CAMK4: variants seen among roughly 807,000 people sequenced by gnomAD.
CAMK4 encodes calcium/calmodulin-dependent protein kinase type IV.
In CAMK4, 22 loss-of-function variants were observed where a neutral mutation model predicts 44.9. The ratio of observed to expected loss-of-function variants is 0.49; its 90% CI spans 0.35 to 0.70. The LOEUF is 0.70. Ranked by LOEUF, CAMK4 falls within the 30% of genes least tolerant of loss-of-function variation. The pLI, the probability that CAMK4 is intolerant of heterozygous loss-of-function variation, is 0.01. For missense variants in CAMK4, 498 were observed against 586.8 expected (o/e 0.85, Z 1.56); for synonymous variants, 218 against 215.4 (o/e 1.01, Z -0.11).
Position 111,224,757 on chromosome 5 carries a change from C to T in CAMK4, c.161+113C>T, listed in dbSNP as rs1436463582. The T allele has an allele frequency of 4.9e-6, 5 of 1,028,100 alleles. No individual in the cohort carries two copies. The highest frequency in any genetic ancestry group is 3.2e-4 in the Middle Eastern group (1 of 3,090). 63.7% of individuals were successfully genotyped at this position (1,028,100 alleles called of 1,614,324 possible). On this transcript the variant is annotated intron_variant, in intron 1 of 10. Transcript: ENST00000282356. This position sits in a 1 kb window ranked among gnomAD's most constrained non-coding sequence, Gnocchi z 5.7. ...TGCCTTCGTGCCCTTCGATTTCTCC[C>T]TACCTAGTTAGTGTCTTGAGAGAGA...
intron 1 of CAMK4, among the ~76,000 whole-genome samples, chr5:111,249,077 C>G (rs1477665408): frequency 6.6e-6 from 1 of 152,054 alleles, no homozygotes; most frequent in Non-Finnish European, 1.5e-5. Context: ...CAATCTGAAG[C>G]GATTATTGTT....
At chr5:111,448,690 C>G (rs1344814876) in intron 6 of CAMK4, among the ~76,000 whole-genome samples, 1 of 152,088 alleles carries the variant, frequency 6.6e-6, no homozygotes, top group Non-Finnish European at 1.5e-5. Context: ...CCTGTAATCC[C>G]AGCTACTTGG....
intron 1 of CAMK4, among the ~76,000 whole-genome samples, chr5:111,253,853 A>G (rs1346173256): frequency 1.3e-5 from 2 of 152,248 alleles, no homozygotes; most frequent in Non-Finnish European, 1.5e-5. Context: ...GACTGTCATT[A>G]TCAGCTTCAT....
intron 7 of CAMK4, among the ~76,000 whole-genome samples, chr5:111,471,397 T>C (rs1755060947): frequency 6.6e-6 from 1 of 152,246 alleles, no homozygotes; most frequent in Non-Finnish European, 1.5e-5. Flanking sequence ...TTCAACATTG[T>C]CTTATCCCTT....
chr5:111,378,477 C>T (rs1751297151), intron 4 of CAMK4, among the ~76,000 whole-genome samples: 1 of 152,060 alleles, frequency 6.6e-6, no homozygotes, highest in Admixed American at 6.6e-5. Flanking sequence ...TAACATTACC[C>T]AGTGAAAATT....
rs116750509 is a variant in CAMK4, at chr5:111,392,071, G to C, written c.387-2639G>C. Among the ~76,000 whole-genome samples the C allele has an allele frequency of 3.3e-3, 496 of 152,054 alleles. 4 individuals are homozygous for C. The highest frequency in any genetic ancestry group is 0.012 in the African/African-American group (482 of 41,464). On this transcript the variant is annotated intron_variant, in intron 4 of 10. Coordinates refer to ENST00000282356, the MANE Select transcript of CAMK4 (RefSeq NM_001744.6). ...GCTGTTCTTATTCTTCGTAATTTTT[G>C]ACAGCTATATATTGTATCTGTATTG...
chr5:111,352,714 G>A (rs571905125), intron 2 of CAMK4, among the ~76,000 whole-genome samples: 52 of 149,028 alleles, frequency 3.5e-4, no homozygotes, highest in African/African-American at 1.2e-3. Flanking sequence ...AAAGAAAGAG[G>A]GTACCAAACT....
Position 111,324,539 on chromosome 5 carries a change from A to G in CAMK4, c.162-19485A>G, listed in dbSNP as rs191775093. On this transcript the variant is annotated intron_variant, in intron 1 of 10. Coordinates refer to ENST00000282356, the MANE Select transcript of CAMK4 (RefSeq NM_001744.6). ...ATCAGAAAGTCATAATTCTAAATGT[A>G]TATGCAGCTACTAACAGATAAGGCA... Among the ~76,000 whole-genome samples, 3 of 152,222 alleles carry G rather than the reference A, an allele frequency of 2.0e-5. No individual in the cohort carries two copies. In the East Asian group the frequency reaches 5.8e-4, roughly 29 times the overall value.
intron 7 of CAMK4, among the ~76,000 whole-genome samples, chr5:111,464,323 A>G (rs1455200062): frequency 6.6e-6 from 1 of 152,148 alleles, no homozygotes; most frequent in Non-Finnish European, 1.5e-5. Flanking sequence ...AAAGCCTCCA[A>G]GAGGTTTGGG....
chr5:111,237,365 C>T (rs915342471), intron 1 of CAMK4, among the ~76,000 whole-genome samples: 2 of 152,178 alleles, frequency 1.3e-5, no homozygotes, highest in Non-Finnish European at 2.9e-5. Flanking sequence ...CGTTTTCTTC[C>T]AGTTGAATTC....
At chr5:111,312,106 A>G (rs527761589) in intron 1 of CAMK4, among the ~76,000 whole-genome samples, 2 of 152,254 alleles carry the variant, frequency 1.3e-5, no homozygotes, top group African/African-American at 4.8e-5. Flanking sequence ...GAACTTATTC[A>G]TTCTAAGAAA....
At chr5:111,264,818 C>A (rs1340600992) in intron 1 of CAMK4, among the ~76,000 whole-genome samples, 1 of 152,086 alleles carries the variant, frequency 6.6e-6, no homozygotes, top group African/African-American at 2.4e-5. Flanking sequence ...TTGGACATGG[C>A]AATTCCCCTG....
intron 5 of CAMK4, among the ~76,000 whole-genome samples, chr5:111,441,886 T>G (rs1753835288): frequency 6.6e-6 from 1 of 152,230 alleles, no homozygotes; most frequent in Non-Finnish European, 1.5e-5. Flanking sequence ...AAAATATCTT[T>G]GCACATTTTC....
intron 2 of CAMK4, among the ~76,000 whole-genome samples, chr5:111,349,667 G>C (rs1750012046): frequency 6.6e-6 from 1 of 151,878 alleles, no homozygotes; most frequent in Non-Finnish European, 1.5e-5. Flanking sequence ...TCTATTTCAG[G>C]AGTAATTCAC....
intron 5 of CAMK4, among the ~76,000 whole-genome samples, chr5:111,409,836 C>T (rs1048045542): frequency 6.6e-6 from 1 of 152,172 alleles, no homozygotes; most frequent in Admixed American, 6.5e-5. Flanking sequence ...ACTCCAGTTC[C>T]CAAGAAGTTC....
At chr5:111,483,298 G>GT (rs1755495182) in intron 10 of CAMK4, among the ~76,000 whole-genome samples, 1 of 151,862 alleles carries the variant, frequency 6.6e-6, no homozygotes, top group African/African-American at 2.4e-5. Flanking sequence ...GTAAAACTTG[G>GT]TAAACAATTT....
At chr5:111,456,128 C>T (rs1754403794) in intron 7 of CAMK4, among the ~76,000 whole-genome samples, 1 of 151,838 alleles carries the variant, frequency 6.6e-6, no homozygotes, top group African/African-American at 2.4e-5. Context: ...TCCTAATATT[C>T]GGGGAGTTGG....
chr5:111,273,205 G>C (rs1440458440), intron 1 of CAMK4, among the ~76,000 whole-genome samples: 1 of 152,048 alleles, frequency 6.6e-6, no homozygotes, highest in African/African-American at 2.4e-5. Context: ...ACCATCTCAT[G>C]CTAATGGCCC....
At chr5:111,306,873 A>C (rs1747948943) in intron 1 of CAMK4, among the ~76,000 whole-genome samples, 2 of 36,534 alleles carry the variant, frequency 5.5e-5, no homozygotes, top group African/African-American at 2.3e-4. Context: ...AGTAACCAAA[A>C]CAGCATGGTA....
Sources: allele counts gnomAD v4.1 joint callset (sites outside exome capture counted in the v4.1 genomes callset), GRCh38; gene constraint gnomAD v4.1.1; non-coding constraint Gnocchi (gnomAD v3.1); transcripts MANE v1.5; gene names NCBI Gene and HGNC (gene_info 2026-07-23, HGNC 2026-07-21).